The following CTSH variants were observed in gnomAD, a reference collection of about 807,000 sequenced individuals.
CTSH encodes the protein cathepsin H.
In CTSH, 52 loss-of-function variants were observed where a neutral mutation model predicts 56.3. That is an observed-to-expected ratio of 0.92 (90% confidence interval 0.74 to 1.16). CTSH has a LOEUF of 1.16. CTSH is among the 50% of genes most tolerant of loss of function. The pLI is 0.00. For missense variants in CTSH, 406 were observed against 424.5 expected, an observed-to-expected ratio of 0.96 and a Z score of 0.38; for synonymous variants, 174 against 155.7, an observed-to-expected ratio of 1.12 and a Z score of -0.88.
chr15:78,927,504 C>A, intron 9 of CTSH: 1 of 556,662 alleles, frequency 1.8e-6, no homozygotes. Context: ...GAGTTCAGAA[C>A]CAGAGGGCCT....
chr15:78,922,268 G>T, intron 11 of CTSH, 63 bp from the exon 12 acceptor site: 1 of 1,371,848 alleles, frequency 7.3e-7, no homozygotes, highest in Non-Finnish European at 1.0e-6. Flanking sequence ...TTTCTAGAAT[G>T]TTTTGCTGCT....
At chr15:78,930,198 G>C (rs1295363024) in intron 7 of CTSH, among the ~76,000 whole-genome samples, 1 of 152,228 alleles carries the variant, frequency 6.6e-6, no homozygotes, top group Non-Finnish European at 1.5e-5. Flanking sequence ...AATGAGAAAA[G>C]GAAGTACTGT....
In CTSH at chr15:78,925,447, A is replaced by G. The variant is rs777546628; in HGVS notation, c.700-7T>C. 5 of 1,595,460 alleles carry G rather than the reference A, an allele frequency of 3.1e-6. No homozygotes were observed. The highest frequency in any genetic ancestry group is 3.4e-6 in the Non-Finnish European group (4 of 1,163,252). On this transcript the variant is annotated splice_polypyrimidine_tract_variant and splice_region_variant and intron_variant, in intron 9 of 11. Transcript: ENST00000220166. ...CCATCGCTTCCTCGTCATACTGTGG[A>G]AACAGGACCGAGACAGAAACACATG...
chr15:78,928,941 G>A (rs563367090), intron 8 of CTSH, among the ~76,000 whole-genome samples: 2 of 152,260 alleles, frequency 1.3e-5, no homozygotes, highest in Admixed American at 1.3e-4. Context: ...AACAGGTCTT[G>A]GGGAAAGACA....
chr15:78,927,691 C>G, intron 9 of CTSH, 22 bp downstream of exon 9: 1 of 1,611,064 alleles, frequency 6.2e-7, no homozygotes, highest in Non-Finnish European at 8.5e-7. Flanking sequence ...ATTCCCCATC[C>G]CAGAGGGGGA....
chr15:78,924,730 C>T (rs2054864252), intron 10 of CTSH, among the ~76,000 whole-genome samples: 1 of 150,844 alleles, frequency 6.6e-6, no homozygotes, highest in African/African-American at 2.4e-5. Context: ...TGCTCTGTCA[C>T]CAAGGTTGGA....
In CTSH at chr15:78,924,222, C is replaced by T. The variant is rs915485886; in HGVS notation, c.807-1104G>A. Among the ~76,000 whole-genome samples the T allele has an allele frequency of 5.9e-5, 9 of 151,484 alleles. No individual in the cohort carries two copies. In the South Asian group the frequency reaches 1.2e-3, roughly 21 times the overall value. On this transcript the variant is annotated intron_variant, in intron 10 of 11. Coordinates refer to ENST00000220166, the MANE Select transcript of CTSH (RefSeq NM_004390.5). ...GGGCTGCAGGGTGGAACGGCGGGGA[C>T]GGGTTTGATGGCAGATGAGTGTGGA...
intron 11 of CTSH, 106 bp from the exon 12 acceptor site, chr15:78,922,311 T>C (rs1296727418): frequency 1.2e-6 from 1 of 842,424 alleles, no homozygotes; most frequent in East Asian, 2.7e-5. Flanking sequence ...TGAGACCCTC[T>C]AAATTTATTC....
Position 78,923,027 on chromosome 15 carries a change from T to C in CTSH, c.898A>G (p.Lys300Glu). 1 of 1,612,898 alleles carries C rather than the reference T, an allele frequency of 6.2e-7. No individual in the cohort carries two copies. The highest frequency in any genetic ancestry group is 1.7e-5 in the Admixed American group (1 of 59,752). Residue 300 changes from lysine to glutamate, a missense_variant, in exon 11 of 12, where the codon AAA becomes GAA. Physicochemically the swap from Lys to Glu is moderately conservative, Grantham distance 56. Coordinates refer to ENST00000220166, the MANE Select transcript of CTSH (RefSeq NM_004390.5). Reference sequence around the variant, plus strand: ...CCCCACTGGGGACCCCAAGAGTTTTTCACGATCCAGTAAGGGATCCCATTT... The same window carrying C: ...CCCCACTGGGGACCCCAAGAGTTTTCCACGATCCAGTAAGGGATCCCATTT... ...EKNGIPYWIV[K>E]NSWGPQWGMN...
chr15:78,924,601 G>A (rs563067395), intron 10 of CTSH, among the ~76,000 whole-genome samples: 126 of 152,264 alleles, frequency 8.3e-4, no homozygotes, highest in Middle Eastern at 3.4e-3. Flanking sequence ...TTCTGAAGAA[G>A]CCTGGGGTGA....
intron 3 of CTSH, 80 bp from the exon 4 acceptor site, chr15:78,935,830 T>A: frequency 9.7e-7 from 1 of 1,026,606 alleles, no homozygotes; most frequent in African/African-American, 1.6e-5. Context: ...TGATGAAACC[T>A]CCTGTTTACC....
At chr15:78,930,026 TCCC>T (rs1275416578) in intron 7 of CTSH, among the ~76,000 whole-genome samples, 1 of 152,174 alleles carries the variant, frequency 6.6e-6, no homozygotes, top group East Asian at 1.9e-4. Flanking sequence ...GCAATCCCCG[TCCC>T]TTCTCTGTTT....
rs767045635 is a variant in CTSH at position 78,923,056 on chromosome 15, T to C, written c.869A>G (p.Glu290Gly). 2.5e-6 allele frequency: 4 copies of C among 1,613,342 alleles called. No homozygotes were observed. Among genetic ancestry groups the C allele is most frequent in the South Asian group, 1.1e-5 (1 of 90,928 alleles). The change falls in exon 11 of 12, where the codon GAA (glutamate) becomes GGA (glycine). Residue 290 changes from glutamate to glycine, a missense_variant. Coordinates refer to ENST00000220166, the MANE Select transcript of CTSH (RefSeq NM_004390.5). ...GATCCAGTAAGGGATCCCATTTTTTTCTCCATACCCAACAGCCAGTACTGC... is the reference window on the plus strand; with the variant it reads ...GATCCAGTAAGGGATCCCATTTTTTCCTCCATACCCAACAGCCAGTACTGC... ...NHAVLAVGYG[E>G]KNGIPYWIVK... is the part of the protein sequence containing the mutation.
Position 78,928,589 on chromosome 15 carries a change from AG to A in CTSH, c.631-809del, listed in dbSNP as rs71974663. Among the ~76,000 whole-genome samples, 631 of 105,678 alleles carry A rather than the reference AG, an allele frequency of 6.0e-3. 11 individuals are homozygous for A. The highest frequency in any genetic ancestry group is 0.027 in the African/African-American group (608 of 22,300). The allele number at this position is 105,678 out of a possible 152,430, so 69.3% of individuals were successfully genotyped here. ...CAAAAAAAAAAAAAAAAAAAAAAAA[AG>A]AAGGGAGAGTAAAAGAGACAGGGAG... On this transcript the variant is annotated intron_variant, in intron 8 of 11. Coordinates refer to ENST00000220166, the MANE Select transcript of CTSH (RefSeq NM_004390.5).
intron 9 of CTSH, chr15:78,926,690 A>G (rs2054910044): frequency 6.6e-6 from 1 of 152,210 alleles, no homozygotes; most frequent in African/African-American, 2.4e-5. Context: ...TGGTTCTGGA[A>G]TGACACATTC....
Position 78,939,181 on chromosome 15 carries a change from G to GAAA in CTSH, c.92-13_92-11dup, listed in dbSNP as rs35398112. ...TTGAAGTGAAACTTCTCTGTAAAAA[G>GAAA]AAAAAAAAAATTAGGTCTGGGCGCA... On this transcript the variant is annotated splice_polypyrimidine_tract_variant and intron_variant, in intron 1 of 11. Transcript: ENST00000220166. 18 of 1,394,824 alleles carry GAAA rather than the reference G, an allele frequency of 1.3e-5. No individual in the cohort carries two copies. The highest frequency in any genetic ancestry group is 1.8e-4 in the Middle Eastern group (1 of 5,452). The allele number at this position is 1,394,824 out of a possible 1,614,324, so 86.4% of individuals were successfully genotyped here. A position where few individuals can be genotyped will look rare whatever the true frequency, so the allele number is the denominator to read the frequency against.
chr15:78,929,669 A>C (rs1444380179), intron 7 of CTSH, among the ~76,000 whole-genome samples, 176 bp from the exon 8 acceptor site: 4 of 152,144 alleles, frequency 2.6e-5, no homozygotes, highest in African/African-American at 9.7e-5. Flanking sequence ...CAGCAAACTC[A>C]GATGAGGCCA....
chr15:78,941,315 C>T (rs1264075916), intron 1 of CTSH, among the ~76,000 whole-genome samples: 1 of 147,734 alleles, frequency 6.8e-6, no homozygotes, highest in African/African-American at 2.5e-5. Flanking sequence ...GTCCCAGCTA[C>T]TTGGGAGGCT....
chr15:78,935,926 C>G (rs147831517), intron 3 of CTSH, among the ~76,000 whole-genome samples, 176 bp from the exon 4 acceptor site: 6 of 152,360 alleles, frequency 3.9e-5, no homozygotes, highest in African/African-American at 1.4e-4. Context: ...TCAGCCCTTA[C>G]AGTGCTGCCA....
Sources: gnomAD v4.1 joint callset for allele counts (sites outside exome capture counted in the v4.1 genomes callset) on GRCh38, gnomAD v4.1.1 for gene constraint, MANE v1.5 for transcripts, NCBI Gene and HGNC (gene_info 2026-07-23, HGNC 2026-07-21) for gene names.